VAV3: variants seen among roughly 807,000 people sequenced by gnomAD.
VAV3 encodes guanine nucleotide exchange factor VAV3.
A neutral mutation model predicts 131.2 loss-of-function variants in VAV3; 94 were observed. That is an observed-to-expected ratio of 0.72 (90% CI 0.61 to 0.85). The LOEUF (loss-of-function observed/expected upper bound fraction) is 0.85. Ranked by LOEUF, VAV3 falls within the 40% of genes least tolerant of loss-of-function variation. The pLI is 0.00. For synonymous variants in VAV3, 349 were observed against 342.0 expected (o/e 1.02, Z -0.22); for missense variants, 939 against 1,002.7 (o/e 0.94, Z 0.86).
At chr1:107,617,985 G>A (rs562800485) in intron 20 of VAV3, among the ~76,000 whole-genome samples, 7 of 152,226 alleles carry the variant, frequency 4.6e-5, no homozygotes, top group Admixed American at 1.3e-4. Flanking sequence ...TGCTGGGGGC[G>A]TGGCAGGTGG....
chr1:107,747,966 G>C (rs1306538117), intron 15 of VAV3, among the ~76,000 whole-genome samples: 1 of 151,984 alleles, frequency 6.6e-6, no homozygotes, highest in Admixed American at 6.6e-5. Context: ...GATAGAATTT[G>C]TCAACAACTG....
At chr1:107,870,681 A>G (rs921565055) in intron 2 of VAV3, among the ~76,000 whole-genome samples, 17 of 152,008 alleles carry the variant, frequency 1.1e-4, no homozygotes, top group Non-Finnish European at 2.1e-4. Flanking sequence ...CTCTCTCCCA[A>G]TAATGTTCTT....
chr1:107,808,796 C>CA (rs769448448), intron 2 of VAV3, among the ~76,000 whole-genome samples: 4 of 152,050 alleles, frequency 2.6e-5, no homozygotes, highest in Non-Finnish European at 5.9e-5. Context: ...TGTTATTGAA[C>CA]AAATGAAGTT....
intron 15 of VAV3, among the ~76,000 whole-genome samples, chr1:107,729,472 C>A (rs569446612): frequency 1.9e-3 from 286 of 152,088 alleles, no homozygotes; most frequent in Non-Finnish European, 2.9e-3. Flanking sequence ...TAAAAAAAAA[C>A]ATGAGTTTTA....
intron 1 of VAV3, among the ~76,000 whole-genome samples, chr1:107,956,176 G>A (rs1674799451): frequency 6.6e-6 from 1 of 152,168 alleles, no homozygotes; most frequent in African/African-American, 2.4e-5. Flanking sequence ...GGGAGCCTGA[G>A]GAAGCTCTCC....
At chr1:107,595,388 C>T (rs917537243) in intron 25 of VAV3, among the ~76,000 whole-genome samples, 1 of 150,876 alleles carries the variant, frequency 6.6e-6, no homozygotes, top group East Asian at 1.9e-4. Context: ...ATTAAACCGA[C>T]GCAAATTCTG....
At chr1:107,861,628 CAATAAA>C (rs1669739842) in intron 2 of VAV3, among the ~76,000 whole-genome samples, 3 of 151,396 alleles carry the variant, frequency 2.0e-5, no homozygotes, top group Admixed American at 2.0e-4. Context: ...CTAGACTGAC[CAATAAA>C]AATAGTGTCC....
intron 15 of VAV3, among the ~76,000 whole-genome samples, chr1:107,731,350 C>T (rs931299343): frequency 6.6e-6 from 1 of 152,150 alleles, no homozygotes; most frequent in African/African-American, 2.4e-5. Context: ...ACACTTTTAC[C>T]TGATCCTCAT....
chr1:107,651,812 A>T (rs1446123099), intron 19 of VAV3, among the ~76,000 whole-genome samples: 1 of 152,030 alleles, frequency 6.6e-6, no homozygotes, highest in Non-Finnish European at 1.5e-5. Flanking sequence ...TCCTATTAAA[A>T]ACTTGCTCAC....
intron 1 of VAV3, among the ~76,000 whole-genome samples, chr1:107,918,094 C>CAAT (rs1322578973): frequency 6.6e-6 from 1 of 152,148 alleles, no homozygotes; most frequent in Non-Finnish European, 1.5e-5. Flanking sequence ...TTCTGCTCTC[C>CAAT]AATAGCTTTC....
At chr1:107,683,368 T>C (rs2101740513) in intron 19 of VAV3, 120 bp downstream of exon 19, 3 of 1,149,898 alleles carry the variant, frequency 2.6e-6, no homozygotes, top group East Asian at 4.8e-5. Context: ...TCACACATTA[T>C]ACACCAAATT....
At chr1:107,915,231 GAA>G (rs1456148071) in intron 1 of VAV3, among the ~76,000 whole-genome samples, 1 of 152,186 alleles carries the variant, frequency 6.6e-6, no homozygotes, top group Non-Finnish European at 1.5e-5. Flanking sequence ...GTGGTAATGG[GAA>G]AAGAGTCTCA....
intron 2 of VAV3, among the ~76,000 whole-genome samples, chr1:107,780,925 A>G (rs1026275112): frequency 6.6e-6 from 1 of 152,212 alleles, no homozygotes; most frequent in African/African-American, 2.4e-5. Flanking sequence ...GATAGTAAAA[A>G]GCGAGAAAAG....
intron 25 of VAV3, among the ~76,000 whole-genome samples, chr1:107,585,361 T>C (rs1400218220): frequency 6.7e-6 from 1 of 150,014 alleles, no homozygotes; most frequent in Admixed American, 6.6e-5. Context: ...ATTTTCATGG[T>C]TTTTTTTATT....
chr1:107,660,489 C>A (rs1656931599), intron 19 of VAV3, among the ~76,000 whole-genome samples: 1 of 152,190 alleles, frequency 6.6e-6, no homozygotes, highest in Admixed American at 6.5e-5. Context: ...GAAATACGCA[C>A]CAGGCCAAGG....
At chr1:107,806,426 T>C (rs966527255) in intron 2 of VAV3, among the ~76,000 whole-genome samples, 2 of 152,102 alleles carry the variant, frequency 1.3e-5, no homozygotes, top group Non-Finnish European at 2.9e-5. Flanking sequence ...ATATTGTTAG[T>C]CTTGCTGCTG....
At position 107,787,958 on chromosome 1, in the gene VAV3, C is replaced by A. The variant is rs550069458; in HGVS notation, c.322-8466G>T. On this transcript the variant is annotated intron_variant, in intron 2 of 26. Transcript: ENST00000370056. ...TCCCCATTCCCAATGACCCCACAAT[C>A]CCACTCCTCTCCTTCACCTGGCCAG... Among the ~76,000 whole-genome samples the A allele has an allele frequency of 4.6e-5, 7 of 152,156 alleles. No homozygotes were observed. The East Asian group carries it at 1.4e-3, about 29-fold the overall frequency.
intron 20 of VAV3, among the ~76,000 whole-genome samples, chr1:107,631,154 T>C (rs11185150): frequency 5.9e-5 from 9 of 151,300 alleles, no homozygotes; most frequent in Non-Finnish European, 8.9e-5. Flanking sequence ...GTAACACCTA[T>C]TTTTTTTTGA....
chr1:107,869,961 C>A (rs1241050873), intron 2 of VAV3, among the ~76,000 whole-genome samples: 1 of 152,304 alleles, frequency 6.6e-6, no homozygotes, highest in East Asian at 1.9e-4. Context: ...CAGGTTGCTG[C>A]AAATGCCATT....
Sources: allele counts gnomAD v4.1 joint callset (sites outside exome capture counted in the v4.1 genomes callset), GRCh38; gene constraint gnomAD v4.1.1; transcripts MANE v1.5; gene names NCBI Gene and HGNC (gene_info 2026-07-23, HGNC 2026-07-21).